Variants in MGA observed in about 807,000 individuals in gnomAD.
The protein encoded by MGA is MAX dimerization protein MGA, also known as MAX gene-associated protein.
In MGA, 40 loss-of-function variants were observed where a neutral mutation model predicts 261.1. The ratio of observed to expected loss-of-function variants is 0.15; its 90% CI spans 0.12 to 0.20. The LOEUF (loss-of-function observed/expected upper bound fraction) is 0.20. MGA is among the 10% of genes least tolerant of loss of function. The probability of loss-of-function intolerance (pLI) is 1.00; values close to 1 mark genes in which losing one functional copy is unlikely to be tolerated. For synonymous variants in MGA, 1,302 were observed against 1,290.6 expected, an observed-to-expected ratio of 1.01 and a Z score of -0.19; for missense variants, 3,397 against 3,630.5, an observed-to-expected ratio of 0.94 and a Z score of 1.65.
chr15:41,717,628 G>A (rs2060712528), intron 9 of MGA, among the ~76,000 whole-genome samples: 1 of 152,142 alleles, frequency 6.6e-6, no homozygotes, highest in Non-Finnish European at 1.5e-5. Flanking sequence ...AACTTGTAGT[G>A]GAAAACCCTG....
At position 41,668,998 on chromosome 15, in the gene MGA, A is replaced by G. The variant is rs1028732926; in HGVS notation, c.104A>G (p.Lys35Arg). Residue 35 changes from lysine (K) to arginine (R), a missense_variant, in exon 2 of 24, where the codon AAA (lysine) becomes AGA (arginine). Physicochemically the swap from Lys to Arg is conservative, Grantham distance 26 (BLOSUM62 2). This residue lies in a region of MGA where 81 missense variants were observed against 84.3 expected (regional missense o/e 0.96). Coordinates refer to ENST00000219905, the MANE Select transcript of MGA (RefSeq NM_001164273.2). ...ATCTTAAAGCAGCCAGGAAATGGCA[A>G]AACTGATCAAGGAATTTTGGTTACT... 6.2e-7 allele frequency: 1 copy of G among 1,613,724 alleles called. No individual in the cohort carries two copies. Among genetic ancestry groups the G allele is most frequent in the Admixed American group, 1.7e-5 (1 of 60,020 alleles).
chr15:41,747,407 T>A (rs1351372823), intron 15 of MGA, among the ~76,000 whole-genome samples: 1 of 152,132 alleles, frequency 6.6e-6, no homozygotes, highest in African/African-American at 2.4e-5. Flanking sequence ...AATTTTAAAG[T>A]TAAATTGTGC....
At position 41,644,933 on chromosome 15, in the gene MGA, G is replaced by T. The variant is rs566735382; in HGVS notation, c.-68+23635G>T. Among the ~76,000 whole-genome samples the T allele has an allele frequency of 3.3e-5, 5 of 152,272 alleles. No homozygotes were observed. In the South Asian group the frequency reaches 1.0e-3, roughly 32 times the overall value. Reference sequence around the variant, plus strand: ...GCACTGTGGGCCAAGAGGCAAAATAGGGTATTATGTAGGTACATATATTAA... The same window carrying T: ...GCACTGTGGGCCAAGAGGCAAAATATGGTATTATGTAGGTACATATATTAA... On this transcript the variant is annotated intron_variant, in intron 1 of 8. Coordinates refer to the MGA transcript ENST00000566718.
chr15:41,724,731 GAGC>G (rs2061136004), intron 9 of MGA, among the ~76,000 whole-genome samples: 1 of 152,044 alleles, frequency 6.6e-6, no homozygotes, highest in African/African-American at 2.4e-5. Context: ...TGTTATAAAG[GAGC>G]TAAATTTTAA....
chr15:41,673,914 C>G (rs149978841), intron 2 of MGA, among the ~76,000 whole-genome samples: 2 of 152,136 alleles, frequency 1.3e-5, no homozygotes, highest in Non-Finnish European at 2.9e-5. Flanking sequence ...TGTTTTGAGA[C>G]GGAGTCTTGC....
chr15:41,654,278 A>G (rs1475690726), intron 1 of MGA, among the ~76,000 whole-genome samples: 1 of 152,216 alleles, frequency 6.6e-6, no homozygotes, highest in African/African-American at 2.4e-5. Flanking sequence ...TCACAGAATA[A>G]GGACAATGTA....
intron 11 of MGA, among the ~76,000 whole-genome samples, chr15:41,729,627 G>T (rs1179414193): frequency 6.6e-6 from 1 of 151,872 alleles, no homozygotes. Flanking sequence ...TTTGAGGCTA[G>T]CCTGGCCAAC....
At chr15:41,743,980 T>A (rs1372073534) in intron 15 of MGA, among the ~76,000 whole-genome samples, 2 of 152,174 alleles carry the variant, frequency 1.3e-5, no homozygotes, top group Admixed American at 6.5e-5. Context: ...GAGGAACTAA[T>A]ATGGAAAAGA....
chr15:41,625,720 T>TAAATAA (rs543755668), intron 1 of MGA, among the ~76,000 whole-genome samples: 1 of 151,876 alleles, frequency 6.6e-6, no homozygotes, highest in East Asian at 1.9e-4. Flanking sequence ...AAAAAATAAA[T>TAAATAA]AAATAAAAAT....
At chr15:41,647,067 T>G (rs1184833170) in intron 1 of MGA, among the ~76,000 whole-genome samples, 1 of 152,240 alleles carries the variant, frequency 6.6e-6, no homozygotes, top group Non-Finnish European at 1.5e-5. Flanking sequence ...CAGGGCTATT[T>G]TCTAGCTTGG....
At chr15:41,727,143 A>G in intron 9 of MGA, 37 bp from the exon 10 acceptor site, 1 of 1,544,360 alleles carries the variant, frequency 6.5e-7, no homozygotes, top group Non-Finnish European at 8.8e-7. Flanking sequence ...TTTTGTTGCC[A>G]AAAGTACCTA....
In MGA at chr15:41,748,733, G is replaced by T. The variant is rs1201142242; in HGVS notation, c.5309G>T (p.Gly1770Val). 1.2e-6 allele frequency: 2 copies of T among 1,613,806 alleles called. No individual in the cohort carries two copies. Among genetic ancestry groups the T allele is most frequent in the African/African-American group, 2.7e-5 (2 of 74,884 alleles). The change falls in exon 16 of 24, where the codon GGT becomes GTT. Residue 1770 changes from glycine (G) to valine (V), a missense_variant. Physicochemically the swap from Gly to Val is moderately radical, Grantham distance 109 (BLOSUM62 -3). Around this residue, in one of 9 missense-constraint regions of MGA, gnomAD observed 1,410 missense variants for 1,386.4 expected, o/e 1.02. Transcript: ENST00000219905. ...TTGTTGTTGATTCCAGTGCAGCAGG[G>T]TTCTCCTACTCTTAGACCTGTCTCA...
chr15:41,676,109 T>A (rs776095367), intron 2 of MGA, among the ~76,000 whole-genome samples: 1 of 152,234 alleles, frequency 6.6e-6, no homozygotes, highest in African/African-American at 2.4e-5. Flanking sequence ...CTGGCACATA[T>A]ATTTTTCTCA....
chr15:41,764,499 T>C (rs2063690945), intron 22 of MGA, among the ~76,000 whole-genome samples: 1 of 152,130 alleles, frequency 6.6e-6, no homozygotes, highest in Admixed American at 6.5e-5. Flanking sequence ...GTGATCCACC[T>C]GCCTCGGCTT....
Position 41,765,076 on chromosome 15 carries a change from G to A in MGA, c.7921+14G>A. ...TGGCTCTACCAGGTATGTTGTAAGT[G>A]TTGTCCTCTATGGGAAGTGATAAAG... On this transcript the variant is annotated intron_variant, in intron 23 of 23. Coordinates refer to ENST00000219905, the MANE Select transcript of MGA (RefSeq NM_001164273.2). The A allele has an allele frequency of 1.2e-6, 2 of 1,613,386 alleles. No homozygotes were observed. Among genetic ancestry groups the A allele is most frequent in the South Asian group, 1.1e-5 (1 of 91,072 alleles).
intron 3 of MGA, among the ~76,000 whole-genome samples, chr15:41,698,412 G>A (rs1436096581): frequency 6.6e-6 from 1 of 152,054 alleles, no homozygotes; most frequent in East Asian, 1.9e-4. Context: ...TGATCCACCT[G>A]CCTCGGCCTC....
intron 2 of MGA, among the ~76,000 whole-genome samples, chr15:41,683,998 A>G (rs1193732170): frequency 6.6e-6 from 1 of 152,074 alleles, no homozygotes. Context: ...CGGCATGCTA[A>G]GCACCAGTTT....
chr15:41,650,437 T>C (rs1421543523), intron 1 of MGA, among the ~76,000 whole-genome samples: 1 of 152,116 alleles, frequency 6.6e-6, no homozygotes, highest in East Asian at 1.9e-4. Context: ...CTATAGTTTT[T>C]CTTAATTTTA....
chr15:41,749,228 C>T lies in MGA; in HGVS notation c.5621C>T (p.Ser1874Phe). The T allele has an allele frequency of 6.2e-7, 1 of 1,614,020 alleles. No individual in the cohort carries two copies. Among genetic ancestry groups the T allele is most frequent in the Non-Finnish European group, 8.5e-7 (1 of 1,179,898 alleles). ...CCTGTAATTCAAGCTGTTGGGTCTT[C>T]TTCAGCAGTGAATGTTATCACTCAG... is the stretch of plus-strand genomic sequence containing the variant. Residue 1874 changes from serine to phenylalanine, a missense_variant, in exon 17 of 24, where the codon TCT becomes TTT. By Grantham distance (155) the Ser-to-Phe change is radical (BLOSUM62 -2). Transcript: ENST00000219905.
Sources: allele counts gnomAD v4.1 joint callset (sites outside exome capture counted in the v4.1 genomes callset), GRCh38; gene constraint gnomAD v4.1.1; regional missense constraint gnomAD v4.1.1; transcripts MANE v1.5; gene names NCBI Gene and HGNC (gene_info 2026-07-23, HGNC 2026-07-21).